The following BCL9 variants were observed in gnomAD, a reference collection of about 807,000 sequenced individuals.
The protein encoded by BCL9 is B-cell CLL/lymphoma 9 protein.
BCL9 carries 25 observed loss-of-function variants against 88.5 expected under a neutral mutation model. That is an observed-to-expected ratio of 0.28 (90% CI 0.21 to 0.39). The LOEUF (loss-of-function observed/expected upper bound fraction) is 0.39, where lower values mean the gene tolerates loss of function less well. Ranked by LOEUF, BCL9 falls within the 10% of genes least tolerant of loss-of-function variation. The pLI is 1.00. For synonymous variants in BCL9, 711 were observed against 673.3 expected (o/e 1.06, Z -0.87); for missense variants, 1,817 against 1,877.8 (o/e 0.97, Z 0.60).
At position 147,620,126 on chromosome 1, in the gene BCL9, G is replaced by T; in HGVS notation, c.1971G>T (p.Glu657Asp). The change falls in exon 8 of 10, where the codon GAG becomes GAT. Residue 657 changes from glutamate (E) to aspartate (D), a missense_variant. By Grantham distance (45) the Glu-to-Asp change is conservative (BLOSUM62 2). Coordinates refer to ENST00000234739, the MANE Select transcript of BCL9 (RefSeq NM_004326.4). ...MAMEGIRPSM[E>D]MNRMIPGSQR... ...TGGAAGGCATCAGGCCCAGCATGGA[G>T]ATGAACAGGATGATTCCAGGCTCCC... is the stretch of plus-strand genomic sequence containing the variant. 6.2e-7 allele frequency: 1 copy of T among 1,614,208 alleles called. No individual in the cohort carries two copies. The highest frequency in any genetic ancestry group is 8.5e-7 in the Non-Finnish European group (1 of 1,180,040).
intron 4 of BCL9, among the ~76,000 whole-genome samples, chr1:147,612,622 C>T (rs374958653): frequency 7.2e-5 from 11 of 152,258 alleles, no homozygotes; most frequent in African/African-American, 2.4e-4. Context: ...CCTTTATTGA[C>T]AGAAGCCCTG....
At chr1:147,544,722 C>T (rs1455514961) in intron 1 of BCL9, among the ~76,000 whole-genome samples, 1 of 152,132 alleles carries the variant, frequency 6.6e-6, no homozygotes, top group African/African-American at 2.4e-5. Flanking sequence ...ACATATCCTA[C>T]CCCTCCCAGT....
At chr1:147,577,054 T>A (rs1348852881) in intron 1 of BCL9, among the ~76,000 whole-genome samples, 1 of 151,610 alleles carries the variant, frequency 6.6e-6, no homozygotes, top group Non-Finnish European at 1.5e-5. Context: ...TACGCTATAT[T>A]TTTTTTTATT....
intron 1 of BCL9, among the ~76,000 whole-genome samples, chr1:147,591,504 A>T (rs983843150): frequency 6.6e-6 from 1 of 152,202 alleles, no homozygotes. Flanking sequence ...AGAGCAATTC[A>T]TACCTCATGG....
At chr1:147,607,424 T>C (rs954828902) in intron 3 of BCL9, among the ~76,000 whole-genome samples, 11 of 152,220 alleles carry the variant, frequency 7.2e-5, no homozygotes, top group African/African-American at 2.7e-4. Context: ...AAGTCAGTTG[T>C]GGTCCCTACC....
At chr1:147,604,436 C>G (rs1657549811) in intron 1 of BCL9, among the ~76,000 whole-genome samples, 1 of 152,170 alleles carries the variant, frequency 6.6e-6, no homozygotes, top group Non-Finnish European at 1.5e-5. Context: ...AAGTCCATTT[C>G]ACAACCTGTG....
intron 1 of BCL9, among the ~76,000 whole-genome samples, chr1:147,547,106 T>G (rs1654642262): frequency 6.6e-6 from 1 of 152,194 alleles, no homozygotes; most frequent in African/African-American, 2.4e-5. Context: ...ACTATGCTTT[T>G]GGGGATGACA....
intron 1 of BCL9, chr1:147,600,241 C>G (rs1034629572): frequency 3.5e-4 from 57 of 162,358 alleles, no homozygotes; most frequent in Admixed American, 3.4e-3. Context: ...CCGCCGCTGC[C>G]GCTGGCCCCG....
rs1553206230 is a variant in BCL9, at chr1:147,624,762, G to C, written c.4084G>C (p.Asp1362His). ...AAAVGMIPGK[D>H]RGPAGLYTHP... is the part of the protein sequence containing the mutation. ...TGCCGTGGGCATGATTCCTGGCAAG[G>C]ATCGGGGGCCTGCCGGGCTCTACAC... Residue 1362 changes from aspartate to histidine, a missense_variant, in exon 10 of 10, where the codon GAT (aspartate) becomes CAT (histidine). Physicochemically the swap from Asp to His is moderately conservative, Grantham distance 81. Around this residue, in one of 2 missense-constraint regions of BCL9, gnomAD observed 589 missense variants for 686.2 expected, o/e 0.86. Transcript: ENST00000234739. The surrounding 1 kb of genome is among the most constrained non-coding windows in gnomAD (Gnocchi z 4.4). 1.2e-6 allele frequency: 2 copies of C among 1,614,018 alleles called. No individual in the cohort carries two copies. The highest frequency in any genetic ancestry group is 3.3e-5 in the Admixed American group (2 of 60,010).
In BCL9 at chr1:147,619,754, A is replaced by T; in HGVS notation, c.1599A>T (p.Pro533=). The T allele has an allele frequency of 6.2e-7, 1 of 1,613,834 alleles. No homozygotes were observed. Among genetic ancestry groups the T allele is most frequent in the Non-Finnish European group, 8.5e-7 (1 of 1,179,976 alleles). ...GCTGGGCACCTGGGGGTACAGAGCCATTTTCTGATGGTATCAACATGCCAC... is the reference window on the plus strand; with the variant it reads ...GCTGGGCACCTGGGGGTACAGAGCCTTTTTCTGATGGTATCAACATGCCAC... ...SEGWAPGGTE[P]FSDGINMPHS... Residue 533 remains proline (P), a synonymous_variant, in exon 8 of 10, where the codon CCA becomes CCT. Coordinates refer to ENST00000234739, the MANE Select transcript of BCL9 (RefSeq NM_004326.4). The surrounding 1 kb of genome is among the most constrained non-coding windows in gnomAD (Gnocchi z 4.1).
At position 147,624,913 on chromosome 1, in the gene BCL9, G is replaced by A. The variant is rs781999397; in HGVS notation, c.4235G>A (p.Gly1412Asp). The A allele has an allele frequency of 8.1e-6, 13 of 1,613,522 alleles. No individual in the cohort carries two copies. In the South Asian group the frequency reaches 1.4e-4, roughly 18 times the overall value. ...PRGMAADVGM[G>D]GFSQGPGNPG... ...GGCATGGCTGCTGACGTGGGCATGG[G>A]TGGATTTAGCCAAGGACCTGGCAAC... Residue 1412 changes from glycine to aspartate, a missense_variant, in exon 10 of 10, where the codon GGT becomes GAT. Transcript: ENST00000234739. The surrounding 1 kb of genome is among the most constrained non-coding windows in gnomAD (Gnocchi z 4.4).
At chr1:147,613,518 C>A (rs183598363) in intron 5 of BCL9, among the ~76,000 whole-genome samples, 2 of 152,152 alleles carry the variant, frequency 1.3e-5, no homozygotes, top group Non-Finnish European at 2.9e-5. Context: ...TAGTTTCAAG[C>A]CAGTAGCTCT....
chr1:147,605,824 A>G (rs1553201925), intron 2 of BCL9, among the ~76,000 whole-genome samples: 1 of 152,188 alleles, frequency 6.6e-6, no homozygotes, highest in Admixed American at 6.5e-5. Flanking sequence ...TATGCCTTTT[A>G]TGGAGTAGTG....
chr1:147,606,707 T>G (rs1172379273), intron 2 of BCL9, 77 bp from the exon 3 acceptor site: 1 of 152,330 alleles, frequency 6.6e-6, no homozygotes, highest in Admixed American at 6.5e-5. Flanking sequence ...TGTTTTTCTC[T>G]TAAGATATTC....
chr1:147,583,147 T>G (rs880001702), intron 1 of BCL9, among the ~76,000 whole-genome samples: 1 of 152,254 alleles, frequency 6.6e-6, no homozygotes, highest in Non-Finnish European at 1.5e-5. Context: ...TTTACATTTT[T>G]CATACCCCTT....
Position 147,612,972 on chromosome 1 carries a change from A to G in BCL9, c.143A>G (p.Asn48Ser). 1 of 1,612,952 alleles carries G rather than the reference A, an allele frequency of 6.2e-7. No individual in the cohort carries two copies. ...CCCCAGCTGGATTCCAAATTCTCCA[A>G]TCAGGGTAAACAGGGGGGCTCAGCC... ...GNPQLDSKFS[N>S]QGKQGGSASQ... is the part of the protein sequence containing the mutation. The change falls in exon 5 of 10, where the codon AAT becomes AGT. Residue 48 changes from asparagine (N) to serine (S), a missense_variant. This residue lies in a region of BCL9 where 1,228 missense variants were observed against 1,191.6 expected (regional missense o/e 1.03). Transcript: ENST00000234739.
chr1:147,622,002 A>G (rs1208179771), intron 8 of BCL9, among the ~76,000 whole-genome samples: 1 of 152,168 alleles, frequency 6.6e-6, no homozygotes, highest in Non-Finnish European at 1.5e-5. Flanking sequence ...TATTTTCCCC[A>G]AGCTTGAACT....
intron 1 of BCL9, among the ~76,000 whole-genome samples, chr1:147,587,473 C>T (rs1276745189): frequency 2.6e-5 from 4 of 152,154 alleles, no homozygotes; most frequent in African/African-American, 9.7e-5. Flanking sequence ...GTTTTACTCA[C>T]CGTACTAGAT....
chr1:147,560,772 AT>A (rs1172782269), intron 1 of BCL9, among the ~76,000 whole-genome samples: 1 of 152,098 alleles, frequency 6.6e-6, no homozygotes, highest in Non-Finnish European at 1.5e-5. Flanking sequence ...TACATAAATA[AT>A]TTTTTTAAAG....
Sources: allele counts gnomAD v4.1 joint callset (sites outside exome capture counted in the v4.1 genomes callset), GRCh38; gene constraint gnomAD v4.1.1; regional missense constraint gnomAD v4.1.1; non-coding constraint Gnocchi (gnomAD v3.1); transcripts MANE v1.5; gene names NCBI Gene and HGNC (gene_info 2026-07-23, HGNC 2026-07-21).